DGKG: variants seen among roughly 807,000 people sequenced by gnomAD.
The protein encoded by DGKG is DAG kinase gamma.
A neutral mutation model predicts 105.3 loss-of-function variants in DGKG; 78 were observed. That is an observed-to-expected ratio of 0.74 (90% CI 0.62 to 0.89). DGKG has a LOEUF of 0.89. Among genes scored for constraint, DGKG ranks in the 40% least tolerant of loss-of-function variants. DGKG has a pLI of 0.00. For missense variants in DGKG, 958 were observed against 1,020.1 expected (o/e 0.94, Z 0.83); for synonymous variants, 346 against 367.1 (o/e 0.94, Z 0.66).
At chr3:186,172,621 TC>T (rs1402674785) in intron 22 of DGKG, among the ~76,000 whole-genome samples, 1 of 152,246 alleles carries the variant, frequency 6.6e-6, no homozygotes, top group Non-Finnish European at 1.5e-5. Flanking sequence ...TAGCCAATGC[TC>T]ATGTTGAGCT....
intron 14 of DGKG, among the ~76,000 whole-genome samples, chr3:186,263,657 T>TA (rs1014726536): frequency 2.1e-4 from 17 of 79,402 alleles, no homozygotes; most frequent in Non-Finnish European, 4.1e-4. Context: ...TCATTTGTAT[T>TA]TTTTTTTTTT....
intron 12 of DGKG, among the ~76,000 whole-genome samples, chr3:186,268,318 A>G (rs769083988): frequency 7.2e-5 from 11 of 152,254 alleles, no homozygotes; most frequent in Non-Finnish European, 1.5e-4. Flanking sequence ...CTGGGTGTCT[A>G]GTGGGGCTGT....
At position 186,171,149 on chromosome 3, in the gene DGKG, C is replaced by T. The variant is rs370942111; in HGVS notation, c.2096-6131G>A. Among the ~76,000 whole-genome samples, 5 of 152,206 alleles carry T rather than the reference C, an allele frequency of 3.3e-5. No homozygotes were observed. The East Asian group carries it at 7.7e-4, about 23-fold the overall frequency. On this transcript the variant is annotated intron_variant, in intron 22 of 24. Coordinates refer to ENST00000265022, the MANE Select transcript of DGKG (RefSeq NM_001346.3). ...ATAGTGGATCTCACCCAACAACTGT[C>T]TCTGTACATATCACTCTCTCAACTC...
chr3:186,359,842 T>C (rs942734192), intron 1 of DGKG, among the ~76,000 whole-genome samples: 2 of 152,164 alleles, frequency 1.3e-5, no homozygotes, highest in African/African-American at 4.8e-5. Context: ...CTTTTCAACT[T>C]CCCAATTTTT....
chr3:186,342,318 G>A (rs946094740), intron 1 of DGKG, among the ~76,000 whole-genome samples: 8 of 152,178 alleles, frequency 5.3e-5, no homozygotes, highest in Non-Finnish European at 1.0e-4. Flanking sequence ...AGTTCATTAT[G>A]AGCATTTTCT....
At chr3:186,335,687 A>G (rs1187070390) in intron 1 of DGKG, among the ~76,000 whole-genome samples, 1 of 152,192 alleles carries the variant, frequency 6.6e-6, no homozygotes, top group Non-Finnish European at 1.5e-5. Flanking sequence ...AGCCAAGGTA[A>G]CGCTATATGC....
At chr3:186,296,154 G>T (rs1011309644) in intron 5 of DGKG, among the ~76,000 whole-genome samples, 1 of 151,872 alleles carries the variant, frequency 6.6e-6, no homozygotes, top group Non-Finnish European at 1.5e-5. Flanking sequence ...CTTCTGGAAG[G>T]TGGCCTGAAT....
At chr3:186,161,847 C>T (rs1325665760) in intron 23 of DGKG, among the ~76,000 whole-genome samples, 184 bp from the exon 24 acceptor site, 1 of 152,180 alleles carries the variant, frequency 6.6e-6, no homozygotes, top group African/African-American at 2.4e-5. Context: ...TCTAACTTGG[C>T]AGGTCTGGGG....
At chr3:186,273,265 C>T (rs1046283277) in intron 10 of DGKG, among the ~76,000 whole-genome samples, 5 of 151,316 alleles carry the variant, frequency 3.3e-5, no homozygotes, top group African/African-American at 1.2e-4. Flanking sequence ...ATTATGTGAA[C>T]AGCAGAGGCC....
Position 186,295,092 on chromosome 3 carries a change from G to A in DGKG, c.373+2329C>T, listed in dbSNP as rs1028437240. Among the ~76,000 whole-genome samples the A allele has an allele frequency of 2.0e-5, 3 of 152,212 alleles. No individual in the cohort carries two copies. The East Asian group carries it at 5.8e-4, about 29-fold the overall frequency. The stretch of plus-strand genomic sequence containing the variant: ...AATCCTTCCAGTTTCTCTTTTTGCT[G>A]TGACAGGAGAAAAGATTAGAACTAC... On this transcript the variant is annotated intron_variant, in intron 5 of 24. Coordinates refer to ENST00000265022, the MANE Select transcript of DGKG (RefSeq NM_001346.3).
intron 1 of DGKG, among the ~76,000 whole-genome samples, chr3:186,335,492 C>A (rs867965133): frequency 2.6e-5 from 4 of 152,244 alleles, no homozygotes; most frequent in Admixed American, 6.5e-5. Flanking sequence ...CTCGTGCCAC[C>A]ATTTTAGGCT....
intron 24 of DGKG, 198 bp downstream of exon 24, chr3:186,161,405 G>T: frequency 7.0e-7 from 1 of 1,421,562 alleles, no homozygotes; most frequent in Non-Finnish European, 9.2e-7. Flanking sequence ...GCTTCACAGT[G>T]TCTGGCATAT....
chr3:186,252,950 C>A, intron 18 of DGKG, 143 bp downstream of exon 18: 1 of 691,292 alleles, frequency 1.4e-6, no homozygotes, highest in South Asian at 1.7e-5. Context: ...GAGAAAGGGT[C>A]ATGGACTTGA....
At chr3:186,302,561 C>T (rs201490133) in intron 3 of DGKG, among the ~76,000 whole-genome samples, 30 of 47,094 alleles carry the variant, frequency 6.4e-4, no homozygotes, top group Admixed American at 2.4e-3. Flanking sequence ...TATATATACA[C>T]ATATGTATAT....
intron 11 of DGKG, among the ~76,000 whole-genome samples, chr3:186,270,784 C>T (rs1048281394): frequency 6.6e-6 from 1 of 152,224 alleles, no homozygotes; most frequent in Admixed American, 6.5e-5. Context: ...AACACCACAT[C>T]GCCTTACCCA....
At position 186,148,012 on chromosome 3, in the gene DGKG, C is replaced by T. The variant is rs1446889208; in HGVS notation, c.*2078G>A. The T allele has an allele frequency of 9.1e-6, 9 of 985,320 alleles. No individual in the cohort carries two copies. In the East Asian group the frequency reaches 4.5e-4, roughly 50 times the overall value. The allele number at this position is 985,320 out of a possible 1,614,324, so 61.0% of individuals were successfully genotyped here. A position where few individuals can be genotyped will look rare whatever the true frequency, so the allele number is the denominator to read the frequency against. On this transcript the variant is annotated 3_prime_UTR_variant, in exon 25 of 25. Transcript: ENST00000265022. Reference sequence around the variant, plus strand: ...TAGGTGGTCCTTCACAGTTAAGTGCCATTTGTACACACAATCTTAATATTC... The same window carrying T: ...TAGGTGGTCCTTCACAGTTAAGTGCTATTTGTACACACAATCTTAATATTC...
At chr3:186,298,629 G>A (rs1356148055) in intron 3 of DGKG, among the ~76,000 whole-genome samples, 1 of 152,222 alleles carries the variant, frequency 6.6e-6, no homozygotes, top group African/African-American at 2.4e-5. Context: ...CTAATGAGCA[G>A]GGACAAGATC....
rs1422722902 is a variant in DGKG, at chr3:186,188,825, AT to A, written c.1918-447del. Among the ~76,000 whole-genome samples, 15 of 152,018 alleles carry A rather than the reference AT, an allele frequency of 9.9e-5. No individual in the cohort carries two copies. The East Asian group carries it at 2.7e-3, about 27-fold the overall frequency. On this transcript the variant is annotated intron_variant, in intron 21 of 24. Transcript: ENST00000265022. ...ACAGAAAATTTTCATATATATATAT[AT>A]TTTTTTGAGATGGAGTCTTGCTCTG...
chr3:186,160,863 G>C (rs955577084), intron 24 of DGKG: 17 of 985,340 alleles, frequency 1.7e-5, no homozygotes, highest in Non-Finnish European at 2.0e-5. Flanking sequence ...TCCTGTCCTA[G>C]TGCTAAAGGG....
Sources: gnomAD v4.1 joint callset for allele counts (sites outside exome capture counted in the v4.1 genomes callset) on GRCh38, gnomAD v4.1.1 for gene constraint, MANE v1.5 for transcripts, NCBI Gene and HGNC (gene_info 2026-07-23, HGNC 2026-07-21) for gene names.